The following CCDC93 variants were observed in gnomAD, a reference collection of about 807,000 sequenced individuals.
CCDC93 encodes the protein CCC complex scaffolding subunit CCDC93, also known as coiled-coil domain-containing protein 93.
CCDC93 carries 61 observed loss-of-function variants against 108.2 expected under a neutral mutation model. The observed-to-expected ratio is 0.56, with a 90% CI of 0.46 to 0.70. The LOEUF is 0.70. CCDC93 is among the 30% of genes least tolerant of loss of function. The pLI, the probability that CCDC93 is intolerant of heterozygous loss-of-function variation, is 0.00. For synonymous variants in CCDC93, 276 were observed against 260.4 expected (o/e 1.06, Z -0.58); for missense variants, 685 against 764.2 (o/e 0.90, Z 1.22).
At chr2:118,001,371 C>T (rs1573529077) in intron 3 of CCDC93, among the ~76,000 whole-genome samples, 1 of 152,162 alleles carries the variant, frequency 6.6e-6, no homozygotes, top group African/African-American at 2.4e-5. Context: ...CCAGACCTTA[C>T]ACCAGGTACC....
chr2:117,946,745 C>A, intron 16 of CCDC93, 66 bp downstream of exon 16: 2 of 1,144,130 alleles, frequency 1.7e-6, no homozygotes, highest in South Asian at 1.3e-5. Flanking sequence ...GCTCTTTGGT[C>A]CTCTAGAACT....
At chr2:117,981,811 T>C (rs530247721) in intron 7 of CCDC93, among the ~76,000 whole-genome samples, 2 of 152,314 alleles carry the variant, frequency 1.3e-5, no homozygotes, top group East Asian at 1.9e-4. Flanking sequence ...AATTGCTCAA[T>C]AGCCACATAT....
rs768404335 is a variant in CCDC93 at position 117,958,428 on chromosome 2, T to C, written c.942A>G (p.Leu314=). Residue 314 remains leucine, a synonymous_variant, in exon 12 of 24, where the codon CTA becomes CTG. Transcript: ENST00000376300. The part of the protein sequence containing the change: ...ESPEKLGTSQ[L]HRRKVISLNK... ...TCAAGGAAATGACTTTCCGGCGATG[T>C]AGCTGGGAGGTTCCTAATTTTTCTG... is the stretch of plus-strand genomic sequence containing the variant. 7 of 1,613,820 alleles carry C rather than the reference T, an allele frequency of 4.3e-6. No homozygotes were observed. In the Admixed American group the frequency reaches 1.2e-4, roughly 27 times the overall value.
intron 23 of CCDC93, among the ~76,000 whole-genome samples, chr2:117,925,238 A>T (rs1678035808): frequency 6.6e-6 from 1 of 152,214 alleles, no homozygotes; most frequent in South Asian, 2.1e-4. Context: ...ACCAGCTACC[A>T]TCATAATGAC....
chr2:117,974,724 G>C (rs1679874627), intron 10 of CCDC93, 126 bp downstream of exon 10: 1 of 678,348 alleles, frequency 1.5e-6, no homozygotes, highest in Non-Finnish European at 2.6e-6. Context: ...GAACTCCCTG[G>C]GGAAGAGGAG....
intron 17 of CCDC93, 76 bp downstream of exon 17, chr2:117,945,453 A>G: frequency 8.5e-7 from 1 of 1,176,464 alleles, no homozygotes; most frequent in Non-Finnish European, 1.3e-6. Context: ...AGGCATGAGA[A>G]GCCATCACAG....
At position 118,008,655 on chromosome 2, in the gene CCDC93, C is replaced by T; in HGVS notation, c.46G>A (p.Glu16Lys). The T allele has an allele frequency of 3.7e-6, 6 of 1,602,696 alleles. No homozygotes were observed. Among genetic ancestry groups the T allele is most frequent in the Non-Finnish European group, 5.1e-6 (6 of 1,170,780 alleles). The stretch of plus-strand genomic sequence containing the variant: ...TTTTGTTCTTCATCTTCTCTTGTTT[C>T]CACCTAAAATAAAAGGTAAAACTTT... ...GPEGQGLPEV[E>K]TREDEEQNVK... is the part of the protein sequence containing the mutation. Residue 16 changes from glutamate to lysine, a missense_variant, in exon 2 of 24, where the codon GAA becomes AAA. Glu to Lys is a moderately conservative substitution (Grantham distance 56, BLOSUM62 1). Transcript: ENST00000376300.
intron 11 of CCDC93, among the ~76,000 whole-genome samples, chr2:117,959,426 A>G (rs1314501264): frequency 6.6e-6 from 1 of 152,228 alleles, no homozygotes; most frequent in African/African-American, 2.4e-5. Context: ...CTAAACTCAC[A>G]TGCAACAAAA....
chr2:117,976,739 A>G (rs1679954650), intron 8 of CCDC93, among the ~76,000 whole-genome samples: 2 of 152,176 alleles, frequency 1.3e-5, no homozygotes, highest in African/African-American at 4.8e-5. Flanking sequence ...TAAACCAGCT[A>G]GTCTGGCTTT....
intron 13 of CCDC93, chr2:117,951,631 T>C (rs925035576): frequency 1.6e-5 from 16 of 1,000,162 alleles, no homozygotes; most frequent in Admixed American, 6.1e-5. Context: ...GGTCCTTCCA[T>C]AGTACGGCTA....
chr2:117,995,768 C>T, intron 5 of CCDC93: 1 of 340,850 alleles, frequency 2.9e-6, no homozygotes, highest in South Asian at 4.3e-5. Flanking sequence ...CATTTCAAAT[C>T]CTCTTAAGCA....
chr2:117,954,882 C>T (rs376857008), intron 12 of CCDC93, among the ~76,000 whole-genome samples: 3 of 151,950 alleles, frequency 2.0e-5, no homozygotes, highest in Non-Finnish European at 4.4e-5. Flanking sequence ...AGGCATCTGG[C>T]ATTTCCCCTG....
chr2:117,979,444 C>CATCT (rs1203038657), intron 7 of CCDC93, among the ~76,000 whole-genome samples: 1 of 152,208 alleles, frequency 6.6e-6, no homozygotes, highest in East Asian at 1.9e-4. Flanking sequence ...TCCATCCCTG[C>CATCT]ATCTGTTCAT....
intron 10 of CCDC93, among the ~76,000 whole-genome samples, chr2:117,974,284 C>T (rs1679860496): frequency 6.6e-6 from 1 of 152,106 alleles, no homozygotes; most frequent in African/African-American, 2.4e-5. Context: ...CAAGGTCTCA[C>T]CTCCTGAGAG....
chr2:117,935,720 G>T, intron 21 of CCDC93, 141 bp from the exon 22 acceptor site: 1 of 485,358 alleles, frequency 2.1e-6, no homozygotes. Context: ...GAGCCACGGG[G>T]GCCCCTGGGA....
intron 23 of CCDC93, among the ~76,000 whole-genome samples, chr2:117,928,843 A>G (rs1184866156): frequency 6.6e-6 from 1 of 152,238 alleles, no homozygotes; most frequent in East Asian, 1.9e-4. Flanking sequence ...CCCAATAGCA[A>G]ATACTTGGAA....
intron 2 of CCDC93, 141 bp from the exon 3 acceptor site, chr2:118,006,957 T>C (rs1057213714): frequency 2.0e-5 from 12 of 614,236 alleles, no homozygotes; most frequent in Admixed American, 3.0e-5. Context: ...AGAGTGTGTG[T>C]CCTCCTTACC....
chr2:117,985,278 G>T, intron 7 of CCDC93: 1 of 156,868 alleles, frequency 6.4e-6, no homozygotes, highest in Non-Finnish European at 1.4e-5. Flanking sequence ...TTAGGGAAAC[G>T]CCAGTGGCAA....
chr2:118,013,067 A>AG (rs1203654485), intron 1 of CCDC93: 1 of 152,224 alleles, frequency 6.6e-6, no homozygotes, highest in Non-Finnish European at 1.5e-5. Context: ...CCAGTAAACT[A>AG]GACTAGCCTT....
Sources: gnomAD v4.1 joint callset for allele counts (sites outside exome capture counted in the v4.1 genomes callset) on GRCh38, gnomAD v4.1.1 for gene constraint, MANE v1.5 for transcripts, NCBI Gene and HGNC (gene_info 2026-07-23, HGNC 2026-07-21) for gene names.